The following RFC3 variants were observed in gnomAD, a reference collection of about 807,000 sequenced individuals.
RFC3 encodes A1 38 kDa subunit.
RFC3 carries 41 observed loss-of-function variants against 45.1 expected under a neutral mutation model. The ratio of observed to expected loss-of-function variants is 0.91; its 90% CI spans 0.71 to 1.18. The LOEUF (loss-of-function observed/expected upper bound fraction) is 1.18. Ranked by LOEUF, RFC3 falls within the 50% of genes most tolerant of loss-of-function variation. The pLI is 0.00. For synonymous variants in RFC3, 149 were observed against 144.0 expected (o/e 1.03, Z -0.25); for missense variants, 423 against 428.1 (o/e 0.99, Z 0.10).
chr13:33,878,420 G>A, intron 8 of RFC3, among the ~76,000 whole-genome samples: 1 of 152,172 alleles, frequency 6.6e-6, no homozygotes, highest in East Asian at 1.9e-4. Context: ...GTCAGAGGAG[G>A]AGGGATGGTG....
chr13:33,897,973 C>A (rs2082612601), intron 8 of RFC3, among the ~76,000 whole-genome samples: 1 of 151,672 alleles, frequency 6.6e-6, no homozygotes, highest in Admixed American at 6.6e-5. Context: ...AATATACATA[C>A]CTACTATGTA....
chr13:33,862,115 T>C (rs77033280), intron 8 of RFC3, among the ~76,000 whole-genome samples: 1 of 152,226 alleles, frequency 6.6e-6, no homozygotes, highest in African/African-American at 2.4e-5. Flanking sequence ...GTGTTTGTCC[T>C]TTCAATTAAT....
intron 8 of RFC3, among the ~76,000 whole-genome samples, chr13:33,957,741 T>C (rs1007809493): frequency 6.6e-6 from 1 of 152,162 alleles, no homozygotes; most frequent in African/African-American, 2.4e-5. Flanking sequence ...GAACCCAATG[T>C]AGTCAAACGT....
rs189511560 is a variant in RFC3 at position 33,826,614 on chromosome 13, T to C, written c.391+728T>C. ...AAATAAATTTACATTTATGAATTTA[T>C]TTTTTGCTACTATATATGGAGTCTT... On this transcript the variant is annotated intron_variant, in intron 4 of 8. Transcript: ENST00000380071. Among the ~76,000 whole-genome samples the C allele has an allele frequency of 2.6e-5, 4 of 152,204 alleles. No individual in the cohort carries two copies. In the South Asian group the frequency reaches 8.3e-4, roughly 31 times the overall value.
downstream of RFC3, among the ~76,000 whole-genome samples, chr13:33,970,353 G>A (rs374946908): frequency 4.6e-4 from 70 of 152,196 alleles, no homozygotes; most frequent in African/African-American, 1.3e-3. Flanking sequence ...CATTTGGGTC[G>A]ATTCCATGTC....
intron 8 of RFC3, among the ~76,000 whole-genome samples, chr13:33,896,237 G>A (rs1299598095): frequency 6.6e-6 from 1 of 151,314 alleles, no homozygotes; most frequent in East Asian, 1.9e-4. Flanking sequence ...AATATAAAAA[G>A]AAAGTATAAA....
intron 8 of RFC3, among the ~76,000 whole-genome samples, chr13:33,916,492 A>G (rs1330082181): frequency 6.6e-6 from 1 of 152,170 alleles, no homozygotes; most frequent in African/African-American, 2.4e-5. Context: ...ACCTGGGTAG[A>G]AAGCATTCTG....
intron 1 of RFC3, among the ~76,000 whole-genome samples, chr13:33,819,615 T>C (rs2081983180): frequency 6.6e-6 from 1 of 152,226 alleles, no homozygotes; most frequent in South Asian, 2.1e-4. Context: ...TAAAATAAAT[T>C]GATTACTGCA....
chr13:33,841,934 C>T (rs915703065), downstream of RFC3, among the ~76,000 whole-genome samples: 2 of 152,118 alleles, frequency 1.3e-5, no homozygotes, highest in African/African-American at 4.8e-5. Context: ...AATTATTCAG[C>T]TTGCAGTTTT....
At chr13:33,820,228 A>G (rs1288305147) in intron 1 of RFC3, among the ~76,000 whole-genome samples, 1 of 152,234 alleles carries the variant, frequency 6.6e-6, no homozygotes, top group Non-Finnish European at 1.5e-5. Context: ...AGATACTGTT[A>G]GTGCCCTACC....
rs146750667 is a variant in RFC3 at position 33,897,671 on chromosome 13, A to C, written c.879+62454A>C. On this transcript the variant is annotated intron_variant, in intron 8 of 8. Transcript: ENST00000434425. Reference sequence around the variant, plus strand: ...CCCAACTGTATGCTGCCTTCAAAAAAGTCACTTCATCTGTAAAGGCACACA... The same window carrying C: ...CCCAACTGTATGCTGCCTTCAAAAACGTCACTTCATCTGTAAAGGCACACA... 4.6e-3 allele frequency among the ~76,000 whole-genome samples: 705 copies of C among 152,242 alleles called. 4 individuals carry two copies. Among genetic ancestry groups the C allele is most frequent in the African/African-American group, 0.016 (665 of 41,576 alleles).
chr13:33,934,805 A>C (rs1321200242), intron 8 of RFC3, among the ~76,000 whole-genome samples: 1 of 152,054 alleles, frequency 6.6e-6, no homozygotes, highest in African/African-American at 2.4e-5. Flanking sequence ...TCTAAATGCA[A>C]GGTATTCCCT....
chr13:33,976,184 C>T, the RFC3 span, among the ~76,000 whole-genome samples: 4 of 152,110 alleles, frequency 2.6e-5, no homozygotes, highest in African/African-American at 9.7e-5. Context: ...AATTCACAAA[C>T]TCATACTGAT....
chr13:33,950,192 T>A (rs897729348), intron 8 of RFC3, among the ~76,000 whole-genome samples: 1 of 152,124 alleles, frequency 6.6e-6, no homozygotes, highest in African/African-American at 2.4e-5. Flanking sequence ...TCATGTACTT[T>A]GAGTTTAGAT....
chr13:33,842,947 AT>A (rs1593629889), intron 8 of RFC3, among the ~76,000 whole-genome samples: 1 of 152,352 alleles, frequency 6.6e-6, no homozygotes, highest in East Asian at 1.9e-4. Context: ...GTTGTGCAGT[AT>A]ACATCACAAC....
At chr13:33,948,084 G>C (rs1272273881) in intron 8 of RFC3, among the ~76,000 whole-genome samples, 1 of 152,200 alleles carries the variant, frequency 6.6e-6, no homozygotes, top group Non-Finnish European at 1.5e-5. Context: ...GGGCATGTTA[G>C]AGACCTTCAT....
chr13:33,872,336 A>T (rs962887052), intron 8 of RFC3, among the ~76,000 whole-genome samples: 1 of 152,230 alleles, frequency 6.6e-6, no homozygotes, highest in East Asian at 1.9e-4. Context: ...TCACTCTTGG[A>T]ATTTAATTCT....
chr13:33,823,829 G>C (rs1295194137), intron 2 of RFC3, 88 bp from the exon 3 acceptor site: 2 of 644,232 alleles, frequency 3.1e-6, no homozygotes. Context: ...TTTACTTTGT[G>C]TAATAAAAGG....
downstream of RFC3, among the ~76,000 whole-genome samples, chr13:33,971,041 T>C: frequency 6.6e-6 from 1 of 151,914 alleles, no homozygotes; most frequent in East Asian, 1.9e-4. Context: ...ATCTTTCCCC[T>C]TTTTTATTAA....
Sources: allele counts gnomAD v4.1 joint callset (sites outside exome capture counted in the v4.1 genomes callset), GRCh38; gene constraint gnomAD v4.1.1; transcripts MANE v1.5; gene names NCBI Gene and HGNC (gene_info 2026-07-23, HGNC 2026-07-21).